Variants in ATP8A1 observed in about 807,000 individuals in gnomAD.
The protein encoded by ATP8A1 is phospholipid-transporting ATPase IA.
In ATP8A1, 90 loss-of-function variants were observed where a neutral mutation model predicts 177.7. That is an observed-to-expected ratio of 0.51 (90% CI 0.43 to 0.60). ATP8A1 has a LOEUF of 0.60. ATP8A1 is among the 20% of genes least tolerant of loss of function. The pLI is 0.00. For synonymous variants in ATP8A1, 493 were observed against 485.9 expected (o/e 1.01, Z -0.19); for missense variants, 1,072 against 1,392.8 (o/e 0.77, Z 3.67).
intron 20 of ATP8A1, among the ~76,000 whole-genome samples, chr4:42,534,891 T>C (rs533680152): frequency 6.6e-6 from 1 of 152,312 alleles, no homozygotes; most frequent in East Asian, 1.9e-4. Flanking sequence ...GCCAAGAATT[T>C]TGTATCCAGC....
In ATP8A1 at chr4:42,485,537, G is replaced by A. The variant is rs1256853722; in HGVS notation, c.2283C>T (p.Phe761=). The change falls in exon 25 of 37, where the codon TTC becomes TTT. Residue 761 remains phenylalanine, a synonymous_variant. Transcript: ENST00000381668. ...CTTTGCATGACAAAGCTAAGTCCAG[G>A]AAATACTGTCGTACTCCAAAGGTTA... The part of the protein sequence containing the change: ...YALTFGVRQY[F]LDLALSCKAV... 13 of 1,613,216 alleles carry A rather than the reference G, an allele frequency of 8.1e-6. No homozygotes were observed. The highest frequency in any genetic ancestry group is 1.1e-5 in the South Asian group (1 of 90,902).
chr4:42,491,128 G>C (rs1722699060), intron 24 of ATP8A1, among the ~76,000 whole-genome samples: 1 of 152,012 alleles, frequency 6.6e-6, no homozygotes, highest in African/African-American at 2.4e-5. Context: ...ATGAAAAAGA[G>C]GTAGTCATGA....
At chr4:42,585,492 C>T (rs546523497) in intron 9 of ATP8A1, among the ~76,000 whole-genome samples, 32 of 144,822 alleles carry the variant, frequency 2.2e-4, no homozygotes, top group South Asian at 4.5e-4. Context: ...AAAAGAGGTC[C>T]GAGAGCCTCC....
At chr4:42,462,482 T>C (rs1577980141) in intron 27 of ATP8A1, among the ~76,000 whole-genome samples, 1 of 152,220 alleles carries the variant, frequency 6.6e-6, no homozygotes, top group East Asian at 1.9e-4. Flanking sequence ...CCATGTGGTG[T>C]TGAGCCTGAG....
At chr4:42,535,005 G>C (rs575857275) in intron 20 of ATP8A1, among the ~76,000 whole-genome samples, 1 of 152,098 alleles carries the variant, frequency 6.6e-6, no homozygotes, top group South Asian at 2.1e-4. Flanking sequence ...ACTCTAAAAG[G>C]AGTCTAAATC....
At chr4:42,523,388 T>C (rs1385349563) in intron 21 of ATP8A1, among the ~76,000 whole-genome samples, 2 of 152,170 alleles carry the variant, frequency 1.3e-5, no homozygotes, top group African/African-American at 4.8e-5. Flanking sequence ...GGCTTAGTGA[T>C]CTCAAGACAA....
At chr4:42,539,012 C>G (rs1028351268) in intron 20 of ATP8A1, among the ~76,000 whole-genome samples, 1 of 152,072 alleles carries the variant, frequency 6.6e-6, no homozygotes, top group Non-Finnish European at 1.5e-5. Flanking sequence ...GCCCAGACGC[C>G]CATAAATCAA....
At chr4:42,425,027 C>T (rs1714424488) in intron 33 of ATP8A1, among the ~76,000 whole-genome samples, 2 of 152,036 alleles carry the variant, frequency 1.3e-5, no homozygotes, top group Admixed American at 6.5e-5. Flanking sequence ...TGGTGAAAAC[C>T]AACAATAACT....
chr4:42,600,637 A>G (rs1301576430), intron 5 of ATP8A1, 119 bp from the exon 6 acceptor site: 1 of 851,310 alleles, frequency 1.2e-6, no homozygotes, highest in Admixed American at 3.0e-5. Flanking sequence ...CAATTTTTAT[A>G]GGTTAAAATT....
intron 20 of ATP8A1, among the ~76,000 whole-genome samples, chr4:42,530,552 C>G (rs563375500): frequency 6.6e-6 from 1 of 152,352 alleles, no homozygotes; most frequent in South Asian, 2.1e-4. Context: ...CCACACAGCA[C>G]TGCCTCTGGC....
chr4:42,528,700 C>T (rs1233153770), intron 20 of ATP8A1, among the ~76,000 whole-genome samples: 1 of 152,178 alleles, frequency 6.6e-6, no homozygotes, highest in Non-Finnish European at 1.5e-5. Context: ...AACTCTCCTG[C>T]TTTGTGTCAT....
At chr4:42,626,824 T>C in intron 2 of ATP8A1, 171 bp downstream of exon 2, 1 of 629,732 alleles carries the variant, frequency 1.6e-6, no homozygotes, top group Middle Eastern at 2.6e-4. Context: ...CAGATTCTTA[T>C]GAATATTTCT....
At chr4:42,560,266 C>A (rs903594497) in intron 15 of ATP8A1, among the ~76,000 whole-genome samples, 77 of 152,028 alleles carry the variant, frequency 5.1e-4, no homozygotes, top group African/African-American at 1.5e-3. Flanking sequence ...TGAAATTAGT[C>A]ACACAGGCTG....
chr4:42,598,649 TATGAATCTTGAATATCA>T (rs1323233680), intron 6 of ATP8A1, among the ~76,000 whole-genome samples: 1 of 152,200 alleles, frequency 6.6e-6, no homozygotes, highest in African/African-American at 2.4e-5. Flanking sequence ...TGTAAATTTG[TATGAATCTTGAATATCA>T]AAGTTTGGAT....
chr4:42,555,139 A>ATCTATCTAATCTATCTATCT (rs1553903246), intron 16 of ATP8A1, among the ~76,000 whole-genome samples: 9 of 59,544 alleles, frequency 1.5e-4, no homozygotes, highest in African/African-American at 3.5e-4. Context: ...CTATCTATCT[A>ATCTATCTAATCTATCTATCT]ATCTATCTAT....
At chr4:42,578,165 T>C in intron 12 of ATP8A1, 95 bp downstream of exon 12, 2 of 1,192,136 alleles carry the variant, frequency 1.7e-6, no homozygotes, top group Non-Finnish European at 2.3e-6. Context: ...CAAGAAACGG[T>C]AGATATAATT....
At chr4:42,588,021 T>TATTA (rs1733799446) in intron 8 of ATP8A1, among the ~76,000 whole-genome samples, 1 of 152,238 alleles carries the variant, frequency 6.6e-6, no homozygotes, top group Non-Finnish European at 1.5e-5. Context: ...TGTTAGCTAT[T>TATTA]ACATAATTAA....
At chr4:42,452,581 T>C (rs543832319) in intron 29 of ATP8A1, among the ~76,000 whole-genome samples, 3 of 152,336 alleles carry the variant, frequency 2.0e-5, no homozygotes, top group South Asian at 4.1e-4. Context: ...TATATAATCA[T>C]ACAAATAAAG....
chr4:42,594,179 G>A (rs1182373537), intron 6 of ATP8A1: 1 of 594,626 alleles, frequency 1.7e-6, no homozygotes, highest in African/African-American at 1.8e-5. Context: ...AATTATTAGA[G>A]AGGTTTTAAA....
Sources: gnomAD v4.1 joint callset for allele counts (sites outside exome capture counted in the v4.1 genomes callset) on GRCh38, gnomAD v4.1.1 for gene constraint, MANE v1.5 for transcripts, NCBI Gene and HGNC (gene_info 2026-07-23, HGNC 2026-07-21) for gene names.